SYT11: variants seen among roughly 807,000 people sequenced by gnomAD.
SYT11 encodes synaptotagmin-11.
Under a neutral mutation model 30.4 loss-of-function variants are expected in SYT11, and 12 were observed. The ratio of observed to expected loss-of-function variants is 0.39; its 90% confidence interval spans 0.25 to 0.64. The LOEUF is 0.64. Among genes scored for constraint, SYT11 ranks in the 30% least tolerant of loss-of-function variants. The pLI, the probability that SYT11 is intolerant of heterozygous loss-of-function variation, is 0.45. For synonymous variants in SYT11, 204 were observed against 216.0 expected, an observed-to-expected ratio of 0.94 and a Z score of 0.49; for missense variants, 412 against 552.0, an observed-to-expected ratio of 0.75 and a Z score of 2.54.
At position 155,885,167 on chromosome 1, in the gene SYT11, G is replaced by A. The variant is rs548441871; in HGVS notation, c.*3659G>A. 2 of 152,382 alleles carry A rather than the reference G, an allele frequency of 1.3e-5. No homozygotes were observed. The highest frequency in any genetic ancestry group is 1.9e-4 in the East Asian group (1 of 5,326). The allele number at this position is 152,382 out of a possible 1,614,324, so 9.4% of individuals were successfully genotyped here. On this transcript the variant is annotated 3_prime_UTR_variant, in exon 4 of 4. Coordinates refer to ENST00000368324, the MANE Select transcript of SYT11 (RefSeq NM_152280.5). Reference sequence around the variant, plus strand: ...GAATTTGTTAATGCACCACACAAGTGCAAAATAAAGACTGATTCACATTAC... The same window carrying A: ...GAATTTGTTAATGCACCACACAAGTACAAAATAAAGACTGATTCACATTAC...
chr1:155,870,891 CAG>C (rs3842692), intron 2 of SYT11, among the ~76,000 whole-genome samples: 124,374 of 152,030 alleles, frequency 0.82, 53,402 homozygotes, highest in Non-Finnish European at 0.94. Flanking sequence ...ATCCATGTCA[CAG>C]GGGCCAGGGA....
chr1:155,874,585 A>G (rs1672831238), intron 2 of SYT11, among the ~76,000 whole-genome samples: 1 of 147,374 alleles, frequency 6.8e-6, no homozygotes. Context: ...AGAGAGTGAG[A>G]CCCTATCTCA....
Position 155,868,886 on chromosome 1 carries a change from C to A in SYT11, c.861+95C>A. 1.7e-6 allele frequency: 2 copies of A among 1,185,310 alleles called. No homozygotes were observed. The highest frequency in any genetic ancestry group is 1.2e-6 in the Non-Finnish European group (1 of 845,924). The allele number at this position is 1,185,310 out of a possible 1,614,324, so 73.4% of individuals were successfully genotyped here. On this transcript the variant is annotated intron_variant, in intron 2 of 3. Coordinates refer to ENST00000368324, the MANE Select transcript of SYT11 (RefSeq NM_152280.5). This position sits in a 1 kb window ranked among gnomAD's most constrained non-coding sequence, Gnocchi z 4.7. ...AGTGGGAGGGGAGTGGGTTGGGTGGCAAAGAAGGGCTGTAGAGAGGAAGCT... is the reference window on the plus strand; with the variant it reads ...AGTGGGAGGGGAGTGGGTTGGGTGGAAAAGAAGGGCTGTAGAGAGGAAGCT...
chr1:155,879,866 A>C (rs903846766), intron 2 of SYT11, among the ~76,000 whole-genome samples: 1 of 152,234 alleles, frequency 6.6e-6, no homozygotes, highest in African/African-American at 2.4e-5. Context: ...AAACTGAAGT[A>C]CAGAGATGTT....
chr1:155,870,698 A>G (rs1410780927), intron 2 of SYT11, among the ~76,000 whole-genome samples: 2 of 152,160 alleles, frequency 1.3e-5, no homozygotes, highest in Non-Finnish European at 1.5e-5. Flanking sequence ...GTACCCAGGA[A>G]CAAGGTTTGC....
chr1:155,877,527 T>C (rs981612075), intron 2 of SYT11, among the ~76,000 whole-genome samples: 1 of 147,768 alleles, frequency 6.8e-6, no homozygotes, highest in African/African-American at 2.5e-5. Flanking sequence ...GCTGGCTCTA[T>C]AGGCACACGC....
chr1:155,868,311 C>A lies in SYT11; in HGVS notation c.381C>A (p.Asp127Glu). 1 of 1,614,020 alleles carries A rather than the reference C, an allele frequency of 6.2e-7. No individual in the cohort carries two copies. The highest frequency in any genetic ancestry group is 8.5e-7 in the Non-Finnish European group (1 of 1,180,004). Residue 127 changes from aspartate to glutamate, a missense_variant, in exon 2 of 4, where the codon GAC becomes GAA. Transcript: ENST00000368324. The surrounding 1 kb of genome is among the most constrained non-coding windows in gnomAD (Gnocchi z 4.7). Reference sequence around the variant, plus strand: ...TAGACCAATTACCCATCAAAATGGACTATGGGGAAGAACTAAGGAGCCCTA... The same window carrying A: ...TAGACCAATTACCCATCAAAATGGAATATGGGGAAGAACTAAGGAGCCCTA... ...SCIDQLPIKM[D>E]YGEELRSPIT...
intron 1 of SYT11, among the ~76,000 whole-genome samples, chr1:155,864,572 A>C (rs1271190073): frequency 6.6e-6 from 1 of 152,196 alleles, no homozygotes; most frequent in Non-Finnish European, 1.5e-5. Context: ...TACTAATTAT[A>C]GTCCAAGATT....
Position 155,881,374 on chromosome 1 carries a change from A to G in SYT11, c.1162A>G (p.Thr388Ala). ...EFLVIDFDRTTKNEVVGRLIL... is the reference protein window; with the variant it reads ...EFLVIDFDRTAKNEVVGRLIL... ...CCTCGTTATCGACTTCGATCGCACCACCAAGAATGAGGTGGTGGGGAGGCT... is the reference window on the plus strand; with the variant it reads ...CCTCGTTATCGACTTCGATCGCACCGCCAAGAATGAGGTGGTGGGGAGGCT... The change falls in exon 4 of 4, where the codon ACC becomes GCC. Residue 388 changes from threonine (T) to alanine (A), a missense_variant. Thr to Ala is a moderately conservative substitution (Grantham distance 58). Coordinates refer to ENST00000368324, the MANE Select transcript of SYT11 (RefSeq NM_152280.5). 1 of 1,614,072 alleles carries G rather than the reference A, an allele frequency of 6.2e-7. No homozygotes were observed. The highest frequency in any genetic ancestry group is 1.6e-4 in the Middle Eastern group (1 of 6,062).
rs1673006767 is a variant in SYT11, at chr1:155,883,057, T to C, written c.*1549T>C. ...CGAGCTGCATAATTCTTGGAATTTA[T>C]GTCTTACCACATGGTGGAGGGATGG... On this transcript the variant is annotated 3_prime_UTR_variant, in exon 4 of 4. Coordinates refer to ENST00000368324, the MANE Select transcript of SYT11 (RefSeq NM_152280.5). 6.6e-6 allele frequency: 1 copy of C among 152,394 alleles called. No homozygotes were observed. Among genetic ancestry groups the C allele is most frequent in the South Asian group, 2.1e-4 (1 of 4,834 alleles). The allele number at this position is 152,394 out of a possible 1,614,324, so 9.4% of individuals were successfully genotyped here.
intron 3 of SYT11, 33 bp from the exon 4 acceptor site, chr1:155,881,165 T>C: frequency 6.3e-7 from 1 of 1,590,242 alleles, no homozygotes; most frequent in South Asian, 1.1e-5. Flanking sequence ...CATAGGTCTG[T>C]CTCCCTTTTT....
intron 1 of SYT11, 32 bp from the exon 2 acceptor site, chr1:155,867,933 C>A (rs753866715): frequency 1.3e-6 from 2 of 1,541,862 alleles, no homozygotes; most frequent in Non-Finnish European, 1.8e-6. Flanking sequence ...GAAGTCCACC[C>A]GCCCTGACAC....
chr1:155,868,632 C>T lies in SYT11; in HGVS notation c.702C>T (p.Tyr234=), dbSNP rs1027698809. The T allele has an allele frequency of 6.2e-6, 10 of 1,614,100 alleles. No individual in the cohort carries two copies. In the African/African-American group the frequency reaches 6.7e-5, roughly 11 times the overall value. The change falls in exon 2 of 4, where the codon TAC becomes TAT. Residue 234 remains tyrosine, a synonymous_variant. Transcript: ENST00000368324. This position sits in a 1 kb window ranked among gnomAD's most constrained non-coding sequence, Gnocchi z 4.7. ...DETFTFYGIP[Y]SQLQDLVLHF... ...CCTTCACCTTCTATGGCATCCCCTA[C>T]AGCCAGCTGCAGGACCTGGTGCTGC...
intron 2 of SYT11, 141 bp from the exon 3 acceptor site, chr1:155,880,359 T>A: frequency 1.1e-6 from 1 of 889,120 alleles, no homozygotes. Flanking sequence ...ATAACACCTT[T>A]CCAGGGGATG....
intron 1 of SYT11, among the ~76,000 whole-genome samples, chr1:155,861,544 G>C (rs1672591208): frequency 6.6e-6 from 1 of 152,188 alleles, no homozygotes; most frequent in African/African-American, 2.4e-5. Flanking sequence ...ATACTTGCCA[G>C]ACAAGGAAAC....
rs760358025 is a variant in SYT11 at position 155,881,502 on chromosome 1, G to A, written c.1290G>A (p.Glu430=). The A allele has an allele frequency of 5.6e-6, 9 of 1,596,864 alleles. No individual in the cohort carries two copies. The highest frequency in any genetic ancestry group is 7.7e-6 in the Non-Finnish European group (9 of 1,167,632). ...TGGCCAAGTGGCACAGTCTGAGCGA[G>A]TACTAATCCTGTTCTTCTCTCCTCT... ...KPVAKWHSLS[E]Y Residue 430 remains glutamate (E), a synonymous_variant, in exon 4 of 4, where the codon GAG becomes GAA. Coordinates refer to ENST00000368324, the MANE Select transcript of SYT11 (RefSeq NM_152280.5).
chr1:155,873,174 T>C (rs1006285328), intron 2 of SYT11, among the ~76,000 whole-genome samples: 4 of 152,168 alleles, frequency 2.6e-5, no homozygotes, highest in Admixed American at 6.5e-5. Context: ...AGGCCTGTAA[T>C]CCCAGCCCTT....
At chr1:155,864,642 T>C (rs1408664557) in intron 1 of SYT11, among the ~76,000 whole-genome samples, 1 of 152,006 alleles carries the variant, frequency 6.6e-6, no homozygotes, top group Non-Finnish European at 1.5e-5. Context: ...TGACTATAAA[T>C]AGGTTTTTGA....
chr1:155,868,264 G>T lies in SYT11; in HGVS notation c.334G>T (p.Gly112Trp). Residue 112 changes from glycine (G) to tryptophan (W), a missense_variant, in exon 2 of 4, where the codon GGG (glycine) becomes TGG (tryptophan). Physicochemically the swap from Gly to Trp is radical, Grantham distance 184. Coordinates refer to ENST00000368324, the MANE Select transcript of SYT11 (RefSeq NM_152280.5). This position sits in a 1 kb window ranked among gnomAD's most constrained non-coding sequence, Gnocchi z 4.7. ...GLLSRDKDPR[G>W]PSSGSCIDQL... ...GCTAAGCCGAGACAAAGATCCCAGG[G>T]GGCCTAGCTCTGGATCTTGTATAGA... 6.2e-7 allele frequency: 1 copy of T among 1,614,078 alleles called. No individual in the cohort carries two copies. The highest frequency in any genetic ancestry group is 1.3e-5 in the African/African-American group (1 of 75,014).
Sources: allele counts gnomAD v4.1 joint callset (sites outside exome capture counted in the v4.1 genomes callset), GRCh38; gene constraint gnomAD v4.1.1; non-coding constraint Gnocchi (gnomAD v3.1); transcripts MANE v1.5; gene names NCBI Gene and HGNC (gene_info 2026-07-23, HGNC 2026-07-21).